Variants in DCC observed in about 807,000 individuals in gnomAD.
DCC encodes the protein netrin receptor DCC.
A neutral mutation model predicts 172.5 loss-of-function variants in DCC; 58 were observed. The ratio of observed to expected loss-of-function variants is 0.34; its 90% CI spans 0.27 to 0.42. The LOEUF (loss-of-function observed/expected upper bound fraction) is 0.42. Among genes scored for constraint, DCC ranks in the 10% least tolerant of loss-of-function variants. The pLI, the probability that DCC is intolerant of heterozygous loss-of-function variation, is 1.00. For missense variants in DCC, 1,740 were observed against 1,791.0 expected (o/e 0.97, Z 0.51); for synonymous variants, 709 against 644.5 (o/e 1.10, Z -1.52).
chr18:53,033,938 AC>A (rs1246546766), intron 5 of DCC, among the ~76,000 whole-genome samples: 9 of 151,682 alleles, frequency 5.9e-5, no homozygotes, highest in African/African-American at 1.5e-4. Context: ...TGGTTGTCAT[AC>A]CCTCCTTCAT....
At chr18:52,676,335 T>C (rs906713800) in intron 1 of DCC, among the ~76,000 whole-genome samples, 6 of 152,224 alleles carry the variant, frequency 3.9e-5, no homozygotes, top group African/African-American at 1.4e-4. Context: ...TGCATCATTA[T>C]AGTAAGTTCC....
intron 2 of DCC, among the ~76,000 whole-genome samples, chr18:52,798,841 C>A (rs566394502): frequency 3.3e-5 from 5 of 152,058 alleles, no homozygotes; most frequent in African/African-American, 7.2e-5. Flanking sequence ...CAACCTCCCC[C>A]TCCCAGGTTC....
chr18:53,428,711 A>ATATATAATGTATATTTTATATATTT (rs1911312541), intron 21 of DCC, among the ~76,000 whole-genome samples: 1 of 61,186 alleles, frequency 1.6e-5, no homozygotes, highest in Non-Finnish European at 3.2e-5. Flanking sequence ...TTTATATATT[A>ATATATAATGTATATTTTATATATTT]TATATATTTA....
intron 12 of DCC, among the ~76,000 whole-genome samples, chr18:53,256,902 T>C (rs957718572): frequency 6.6e-6 from 1 of 152,206 alleles, no homozygotes; most frequent in Non-Finnish European, 1.5e-5. Context: ...CAGTGTTTTG[T>C]AGTTCTCCTT....
intron 1 of DCC, among the ~76,000 whole-genome samples, chr18:52,638,916 A>G (rs1171893973): frequency 2.0e-5 from 3 of 152,120 alleles, no homozygotes; most frequent in Non-Finnish European, 4.4e-5. Flanking sequence ...CTATTTAACA[A>G]TGCATGGAAC....
At chr18:53,509,010 T>A (rs1359065172) in intron 27 of DCC, among the ~76,000 whole-genome samples, 1 of 152,184 alleles carries the variant, frequency 6.6e-6, no homozygotes, top group Admixed American at 6.5e-5. Flanking sequence ...ACTACCTGGC[T>A]TCTTCTCTCT....
chr18:52,428,856 T>C (rs1208846483), intron 1 of DCC, among the ~76,000 whole-genome samples: 2 of 152,120 alleles, frequency 1.3e-5, no homozygotes, highest in African/African-American at 4.8e-5. Context: ...ATGCAAAGCA[T>C]ATAATTAACA....
chr18:53,191,142 T>TA (rs1034728224), intron 9 of DCC, among the ~76,000 whole-genome samples: 2 of 152,122 alleles, frequency 1.3e-5, no homozygotes, highest in Non-Finnish European at 2.9e-5. Flanking sequence ...TGCAGTGAAA[T>TA]AAAAAATAAT....
At chr18:52,885,393 C>T (rs1338985150) in intron 2 of DCC, among the ~76,000 whole-genome samples, 1 of 152,148 alleles carries the variant, frequency 6.6e-6, no homozygotes. Flanking sequence ...CCCACTCTTC[C>T]CTCCCCTGTC....
chr18:52,961,969 A>G (rs916942200), intron 5 of DCC, among the ~76,000 whole-genome samples: 10 of 152,224 alleles, frequency 6.6e-5, no homozygotes, highest in African/African-American at 2.4e-4. Flanking sequence ...AAGATGGATT[A>G]AAGACTTAAA....
chr18:53,320,613 A>G (rs2057400047), intron 13 of DCC, among the ~76,000 whole-genome samples: 1 of 152,216 alleles, frequency 6.6e-6, no homozygotes, highest in South Asian at 2.1e-4. Context: ...GCACGAGCCT[A>G]CTTAAGGAAT....
intron 2 of DCC, among the ~76,000 whole-genome samples, chr18:52,837,412 G>T (rs143190544): frequency 6.6e-6 from 1 of 152,274 alleles, no homozygotes; most frequent in African/African-American, 2.4e-5. Context: ...TTGCAGCTTA[G>T]AAATTTCTTC....
At chr18:53,137,737 GA>G (rs2043766237) in intron 7 of DCC, among the ~76,000 whole-genome samples, 1 of 151,944 alleles carries the variant, frequency 6.6e-6, no homozygotes, top group Admixed American at 6.6e-5. Context: ...ATTTAATAAA[GA>G]AATATTTGAA....
intron 12 of DCC, among the ~76,000 whole-genome samples, chr18:53,285,836 C>T (rs560598225): frequency 1.3e-5 from 2 of 152,234 alleles, no homozygotes; most frequent in Non-Finnish European, 2.9e-5. Context: ...CCACCTCTTG[C>T]ATCAGCATGA....
At chr18:52,772,800 A>G (rs962400047) in intron 2 of DCC, among the ~76,000 whole-genome samples, 6 of 152,206 alleles carry the variant, frequency 3.9e-5, no homozygotes. Flanking sequence ...GTGTTTTAGC[A>G]TCTTATCTCT....
chr18:52,826,736 C>A (rs1344942118), intron 2 of DCC, among the ~76,000 whole-genome samples: 4 of 152,046 alleles, frequency 2.6e-5, no homozygotes, highest in African/African-American at 9.7e-5. Flanking sequence ...GCCTAAGCCT[C>A]CCAAAGTGCT....
chr18:53,226,313 T>A (rs1433465734), intron 12 of DCC, among the ~76,000 whole-genome samples: 1 of 152,146 alleles, frequency 6.6e-6, no homozygotes, highest in Non-Finnish European at 1.5e-5. Context: ...GAACTGTTGG[T>A]GGAAACTGAA....
At chr18:53,401,916 G>A (rs1909322244) in intron 18 of DCC, among the ~76,000 whole-genome samples, 1 of 152,200 alleles carries the variant, frequency 6.6e-6, no homozygotes, top group South Asian at 2.1e-4. Flanking sequence ...TGTGGGAGAA[G>A]TAGTCTTAGG....
chr18:53,529,251 G>A (rs989760496), intron 28 of DCC, among the ~76,000 whole-genome samples: 1 of 152,024 alleles, frequency 6.6e-6, no homozygotes, highest in Non-Finnish European at 1.5e-5. Flanking sequence ...TTCAATGGCT[G>A]GAGTAGCTTT....
Sources: allele counts gnomAD v4.1 joint callset (sites outside exome capture counted in the v4.1 genomes callset), GRCh38; gene constraint gnomAD v4.1.1; transcripts MANE v1.5; gene names NCBI Gene and HGNC (gene_info 2026-07-23, HGNC 2026-07-21).